Variants in ADGRG6 observed in about 807,000 individuals in gnomAD.
The protein encoded by ADGRG6 is adhesion G protein-coupled receptor G6, also known as G-protein coupled receptor 126.
Under a neutral mutation model 142.4 loss-of-function variants are expected in ADGRG6, and 84 were observed. The ratio of observed to expected loss-of-function variants is 0.59; its 90% CI spans 0.49 to 0.71. The LOEUF is 0.71. Among genes scored for constraint, ADGRG6 ranks in the 30% least tolerant of loss-of-function variants. The pLI, the probability that ADGRG6 is intolerant of heterozygous loss-of-function variation, is 0.00. For synonymous variants in ADGRG6, 521 were observed against 520.5 expected (o/e 1.00, Z -0.01); for missense variants, 1,367 against 1,466.6 (o/e 0.93, Z 1.11).
intron 2 of ADGRG6, among the ~76,000 whole-genome samples, chr6:142,317,821 A>T (rs1300523479): frequency 1.2e-5 from 1 of 82,262 alleles, no homozygotes; most frequent in Non-Finnish European, 2.1e-5. Flanking sequence ...TATATATATT[A>T]ATTTATATTA....
chr6:142,342,744 C>T (rs1779718109), intron 2 of ADGRG6, among the ~76,000 whole-genome samples: 1 of 151,994 alleles, frequency 6.6e-6, no homozygotes, highest in South Asian at 2.1e-4. Flanking sequence ...TGAAAAATGA[C>T]AGAAATCCAT....
intron 2 of ADGRG6, among the ~76,000 whole-genome samples, chr6:142,321,083 A>G (rs1353201862): frequency 2.0e-5 from 3 of 152,114 alleles, no homozygotes; most frequent in East Asian, 1.9e-4. Flanking sequence ...ATACATAACC[A>G]TAACTTAATT....
chr6:142,412,693 T>C (rs1027778635), intron 18 of ADGRG6, among the ~76,000 whole-genome samples: 3 of 152,218 alleles, frequency 2.0e-5, no homozygotes, highest in Admixed American at 2.0e-4. Flanking sequence ...CTTAAGTAAT[T>C]ATAAAAGAAA....
intron 15 of ADGRG6, 28 bp from the exon 16 acceptor site, chr6:142,408,122 A>G: frequency 6.6e-7 from 1 of 1,522,552 alleles, no homozygotes. Flanking sequence ...CTTCTGACTG[A>G]TACACGCGAT....
chr6:142,408,413 C>A, intron 16 of ADGRG6, 144 bp downstream of exon 16: 1 of 540,226 alleles, frequency 1.9e-6, no homozygotes, highest in Non-Finnish European at 3.3e-6. Context: ...AACAACTGAT[C>A]AGGTAGTGCT....
intron 22 of ADGRG6, among the ~76,000 whole-genome samples, chr6:142,432,797 T>C (rs1183354642): frequency 2.0e-5 from 3 of 152,198 alleles, no homozygotes; most frequent in Non-Finnish European, 4.4e-5. Context: ...GCTAAGAAAC[T>C]GAATCTGTGA....
chr6:142,374,395 T>C (rs1445330107), intron 4 of ADGRG6, among the ~76,000 whole-genome samples: 1 of 152,244 alleles, frequency 6.6e-6, no homozygotes, highest in Non-Finnish European at 1.5e-5. Flanking sequence ...TTATTTCCAA[T>C]ATTAAACAAT....
intron 2 of ADGRG6, among the ~76,000 whole-genome samples, chr6:142,314,217 A>G (rs917411744): frequency 4.6e-5 from 7 of 152,176 alleles, no homozygotes; most frequent in Non-Finnish European, 8.8e-5. Context: ...TCATACATTG[A>G]GGGGTCATAA....
chr6:142,323,528 A>G (rs1562311539), intron 2 of ADGRG6, among the ~76,000 whole-genome samples: 1 of 152,158 alleles, frequency 6.6e-6, no homozygotes, highest in Non-Finnish European at 1.5e-5. Flanking sequence ...CAGTCCACAT[A>G]TATGACAGTG....
intron 22 of ADGRG6, among the ~76,000 whole-genome samples, chr6:142,433,666 C>T (rs1456346456): frequency 6.6e-6 from 1 of 152,214 alleles, no homozygotes; most frequent in Non-Finnish European, 1.5e-5. Context: ...AACTCTTCCT[C>T]CCCAACCTGG....
At chr6:142,321,085 A>G (rs1778490610) in intron 2 of ADGRG6, among the ~76,000 whole-genome samples, 5 of 151,980 alleles carry the variant, frequency 3.3e-5, no homozygotes, top group Admixed American at 3.3e-4. Flanking sequence ...ACATAACCAT[A>G]ACTTAATTTT....
intron 21 of ADGRG6, among the ~76,000 whole-genome samples, chr6:142,419,547 A>G (rs529715957): frequency 1.3e-5 from 2 of 152,168 alleles, no homozygotes; most frequent in Non-Finnish European, 2.9e-5. Context: ...GTCAGCCAAG[A>G]GTGTTTTCAT....
intron 1 of ADGRG6, among the ~76,000 whole-genome samples, chr6:142,306,847 A>T (rs1777524891): frequency 6.6e-6 from 1 of 152,100 alleles, no homozygotes; most frequent in South Asian, 2.1e-4. Flanking sequence ...TTCTATTCTT[A>T]ATTTATTTGT....
intron 4 of ADGRG6, among the ~76,000 whole-genome samples, chr6:142,371,351 G>A (rs1162586309): frequency 6.6e-6 from 1 of 151,968 alleles, no homozygotes; most frequent in African/African-American, 2.4e-5. Context: ...TTTTAAAATA[G>A]AGATGGGGTT....
At chr6:142,437,193 A>T (rs1777525933) in intron 22 of ADGRG6, among the ~76,000 whole-genome samples, 1 of 152,236 alleles carries the variant, frequency 6.6e-6, no homozygotes, top group African/African-American at 2.4e-5. Flanking sequence ...AATGCTGAAC[A>T]GAACAGGCAA....
intron 2 of ADGRG6, among the ~76,000 whole-genome samples, chr6:142,313,752 TTTTC>T (rs556854135): frequency 6.6e-6 from 1 of 152,146 alleles, no homozygotes; most frequent in Non-Finnish European, 1.5e-5. Context: ...ATGTGTTAAT[TTTTC>T]TTATGATCAT....
intron 18 of ADGRG6, among the ~76,000 whole-genome samples, chr6:142,413,042 T>TATAC (rs1464848605): frequency 6.6e-6 from 1 of 151,824 alleles, no homozygotes; most frequent in African/African-American, 2.4e-5. Context: ...TATATATATA[T>TATAC]ATGTGAAGAT....
chr6:142,436,157 C>A (rs1777476320), intron 22 of ADGRG6, among the ~76,000 whole-genome samples: 1 of 152,034 alleles, frequency 6.6e-6, no homozygotes, highest in South Asian at 2.1e-4. Flanking sequence ...ATATAAAAAT[C>A]AGTATGTGGT....
At chr6:142,397,523 T>G (rs1410354864) in intron 9 of ADGRG6, 90 bp from the exon 10 acceptor site, 51 of 1,146,132 alleles carry the variant, frequency 4.4e-5, no homozygotes, top group Non-Finnish European at 6.2e-5. Context: ...GTGATGGTCA[T>G]CCCTCTACAT....
Sources: gnomAD v4.1 joint callset for allele counts (sites outside exome capture counted in the v4.1 genomes callset) on GRCh38, gnomAD v4.1.1 for gene constraint, MANE v1.5 for transcripts, NCBI Gene and HGNC (gene_info 2026-07-23, HGNC 2026-07-21) for gene names.